DMXL2: variants seen among roughly 807,000 people sequenced by gnomAD.
DMXL2 encodes the protein Dmx like 2.
In DMXL2, 103 loss-of-function variants were observed where a neutral mutation model predicts 331.1. That is an observed-to-expected ratio of 0.31 (90% CI 0.27 to 0.37). The LOEUF (loss-of-function observed/expected upper bound fraction) is 0.37. Among genes scored for constraint, DMXL2 ranks in the 10% least tolerant of loss-of-function variants. The pLI is 1.00. For synonymous variants in DMXL2, 1,281 were observed against 1,252.1 expected, an observed-to-expected ratio of 1.02 and a Z score of -0.49; for missense variants, 3,171 against 3,642.9, an observed-to-expected ratio of 0.87 and a Z score of 3.33.
Position 51,536,196 on chromosome 15 carries a change from G to T in DMXL2, c.2284C>A (p.Leu762Ile). ...CAGTAACTGGGAATGAGAGTTGGAA[G>T]CCAAGCCACATTAGAGAACGCTGAG... is the stretch of plus-strand genomic sequence containing the variant. ...HTSAFSNVAW[L>I]PTLIPSYCLG... is the part of the protein sequence containing the mutation. The change falls in exon 12 of 44, where the codon CTT becomes ATT. Residue 762 changes from leucine (L) to isoleucine (I), a missense_variant. Leu to Ile is a conservative substitution (Grantham distance 5, BLOSUM62 2). Transcript: ENST00000560891. The T allele has an allele frequency of 6.2e-7, 1 of 1,600,698 alleles. No individual in the cohort carries two copies.
intron 33 of DMXL2, 122 bp downstream of exon 33, chr15:51,463,257 G>A: frequency 1.6e-6 from 1 of 609,938 alleles, no homozygotes; most frequent in Non-Finnish European, 2.9e-6. Context: ...CGGTAGTTTA[G>A]TGAACTTTGA....
intron 32 of DMXL2, among the ~76,000 whole-genome samples, chr15:51,464,257 T>A (rs1265997841): frequency 6.6e-6 from 1 of 151,978 alleles, no homozygotes; most frequent in Non-Finnish European, 1.5e-5. Context: ...CAAAAAAAAT[T>A]AGCCGATGGC....
At chr15:51,509,901 C>T (rs1284925454) in intron 15 of DMXL2, among the ~76,000 whole-genome samples, 2 of 152,118 alleles carry the variant, frequency 1.3e-5, no homozygotes, top group Non-Finnish European at 2.9e-5. Flanking sequence ...GCTGGTTCAA[C>T]GTACACAAAT....
chr15:51,505,586 T>C (rs1441349701), intron 16 of DMXL2, among the ~76,000 whole-genome samples: 1 of 152,246 alleles, frequency 6.6e-6, no homozygotes, highest in Non-Finnish European at 1.5e-5. Context: ...ATGCAAAGAA[T>C]TAACTCCAAA....
intron 29 of DMXL2, among the ~76,000 whole-genome samples, chr15:51,469,014 A>AT: frequency 6.6e-6 from 1 of 152,282 alleles, no homozygotes; most frequent in African/African-American, 2.4e-5. Context: ...GACTGAAGAT[A>AT]TAGCAACCAC....
At chr15:51,575,439 G>C (rs1475712124) in intron 2 of DMXL2, among the ~76,000 whole-genome samples, 1 of 152,046 alleles carries the variant, frequency 6.6e-6, no homozygotes, top group Non-Finnish European at 1.5e-5. Context: ...AATTGCTGGA[G>C]TATACAGCAA....
At chr15:51,495,187 A>G (rs1308080330) in intron 18 of DMXL2, 53 bp from the exon 19 acceptor site, 17 of 1,118,132 alleles carry the variant, frequency 1.5e-5, no homozygotes, top group Admixed American at 7.1e-5. Context: ...AAGAGGCCAC[A>G]AACTGATAAG....
intron 27 of DMXL2, 90 bp from the exon 28 acceptor site, chr15:51,474,682 G>A: frequency 2.2e-6 from 3 of 1,342,592 alleles, no homozygotes; most frequent in Non-Finnish European, 3.0e-6. Flanking sequence ...CCAAAATTAT[G>A]CATTTATATT....
At chr15:51,596,962 C>G (rs943075142) in intron 1 of DMXL2, among the ~76,000 whole-genome samples, 1 of 152,004 alleles carries the variant, frequency 6.6e-6, no homozygotes, top group Non-Finnish European at 1.5e-5. Flanking sequence ...AGGAGATATA[C>G]CTAATGTTAA....
rs2048312872 is a variant in DMXL2 at position 51,536,804 on chromosome 15, C to T, written c.1676G>A (p.Ser559Asn). 2 of 1,613,570 alleles carry T rather than the reference C, an allele frequency of 1.2e-6. No homozygotes were observed. Among genetic ancestry groups the T allele is most frequent in the Non-Finnish European group, 1.7e-6 (2 of 1,179,872 alleles). ...ACAGGCATACATCATGATATTTTTA[C>T]TAAGAGAGCTTGCATCACCAGAGGG... ...AFPSGDASSL[S>N]KNIMMYACIN... The change falls in exon 12 of 44, where the codon AGT (serine) becomes AAT (asparagine). Residue 559 changes from serine (S) to asparagine (N), a missense_variant. Physicochemically the swap from Ser to Asn is conservative, Grantham distance 46 (BLOSUM62 1). This residue lies in a region of DMXL2 where 1,674 missense variants were observed against 1,780.2 expected (regional missense o/e 0.94). Coordinates refer to ENST00000560891, the MANE Select transcript of DMXL2 (RefSeq NM_001378457.1).
At chr15:51,545,555 T>C (rs2048841917) in intron 8 of DMXL2, 28 bp downstream of exon 8, 2 of 1,586,794 alleles carry the variant, frequency 1.3e-6, no homozygotes, top group South Asian at 2.3e-5. Flanking sequence ...TCTTCAAAAT[T>C]CATTTACCAT....
intron 3 of DMXL2, among the ~76,000 whole-genome samples, chr15:51,565,487 TC>T (rs2050211974): frequency 6.6e-6 from 1 of 152,154 alleles, no homozygotes; most frequent in African/African-American, 2.4e-5. Context: ...CCCCTATCCT[TC>T]CACTAAGATT....
intron 39 of DMXL2, 30 bp downstream of exon 39, chr15:51,456,036 T>A (rs748190415): frequency 1.2e-6 from 2 of 1,609,320 alleles, no homozygotes; most frequent in Admixed American, 1.7e-5. Context: ...TATTTTCAGA[T>A]GAATTCAGCA....
intron 1 of DMXL2, among the ~76,000 whole-genome samples, chr15:51,617,738 A>C (rs1233865606): frequency 6.6e-6 from 1 of 152,206 alleles, no homozygotes; most frequent in East Asian, 1.9e-4. Context: ...CAGATCAAAG[A>C]CCTAAACATG....
intron 1 of DMXL2, among the ~76,000 whole-genome samples, chr15:51,588,970 A>C (rs1294930765): frequency 6.6e-6 from 1 of 152,160 alleles, no homozygotes; most frequent in African/African-American, 2.4e-5. Flanking sequence ...AGTGTGCACT[A>C]TTTTACATAG....
At chr15:51,554,719 A>C (rs1197254317) in intron 6 of DMXL2, among the ~76,000 whole-genome samples, 2 of 152,204 alleles carry the variant, frequency 1.3e-5, no homozygotes. Flanking sequence ...TTAGCAGAAG[A>C]TGAGGTTGAA....
intron 16 of DMXL2, 60 bp downstream of exon 16, chr15:51,507,074 G>T: frequency 7.5e-7 from 1 of 1,327,548 alleles, no homozygotes; most frequent in Non-Finnish European, 1.0e-6. Context: ...CCAAAGTAAA[G>T]CATATTCTAT....
intron 30 of DMXL2, among the ~76,000 whole-genome samples, chr15:51,465,877 T>C (rs1478923343): frequency 1.3e-5 from 2 of 152,206 alleles, no homozygotes; most frequent in Non-Finnish European, 2.9e-5. Flanking sequence ...ATTAACCACA[T>C]AGTCACATGA....
At chr15:51,605,041 C>CAA (rs142259531) in intron 1 of DMXL2, among the ~76,000 whole-genome samples, 3,377 of 149,832 alleles carry the variant, frequency 0.023, 107 homozygotes, top group African/African-American at 0.07. Flanking sequence ...GTTCATATAT[C>CAA]AAAAAAAAAA....
Sources: gnomAD v4.1 joint callset for allele counts (sites outside exome capture counted in the v4.1 genomes callset) on GRCh38, gnomAD v4.1.1 for gene constraint, gnomAD v4.1.1 regional missense constraint, MANE v1.5 for transcripts, NCBI Gene and HGNC (gene_info 2026-07-23, HGNC 2026-07-21) for gene names.